The following CEP120 variants were observed in gnomAD, a reference collection of about 807,000 sequenced individuals.
The protein encoded by CEP120 is centrosomal protein of 120 kDa.
A neutral mutation model predicts 126.5 loss-of-function variants in CEP120; 113 were observed. The ratio of observed to expected loss-of-function variants is 0.89; its 90% CI spans 0.77 to 1.04. The LOEUF (loss-of-function observed/expected upper bound fraction) is 1.04. CEP120 is among the 50% of genes least tolerant of loss of function. CEP120 has a pLI of 0.00. For missense variants in CEP120, 1,230 were observed against 1,155.7 expected (o/e 1.06, Z -0.93); for synonymous variants, 400 against 394.3 (o/e 1.01, Z -0.17).
intron 18 of CEP120, among the ~76,000 whole-genome samples, chr5:123,359,968 A>C (rs1376123376): frequency 1.3e-5 from 2 of 151,960 alleles, no homozygotes; most frequent in African/African-American, 4.8e-5. Flanking sequence ...ACAATCTAAG[A>C]TATGGCTTTC....
chr5:123,353,288 TTTG>T (rs1769330199), intron 18 of CEP120, among the ~76,000 whole-genome samples: 1 of 151,962 alleles, frequency 6.6e-6, no homozygotes, highest in Admixed American at 6.6e-5. Context: ...CTAGTCTTAG[TTTG>T]TTAATGAATA....
intron 11 of CEP120, among the ~76,000 whole-genome samples, chr5:123,384,177 T>C (rs914699146): frequency 6.6e-6 from 1 of 152,120 alleles, no homozygotes; most frequent in Non-Finnish European, 1.5e-5. Context: ...AAAAAAATGC[T>C]AATTTTTAAG....
intron 4 of CEP120, among the ~76,000 whole-genome samples, chr5:123,409,141 T>C (rs181183314): frequency 1.0e-3 from 152 of 152,280 alleles, no homozygotes; most frequent in African/African-American, 3.6e-3. Flanking sequence ...TCAATTAATG[T>C]AATCCATCAC....
intron 18 of CEP120, among the ~76,000 whole-genome samples, chr5:123,363,028 A>C (rs920893988): frequency 2.2e-4 from 33 of 151,734 alleles, no homozygotes; most frequent in Admixed American, 1.2e-3. Context: ...TACTGCTACT[A>C]CTTAAGTTCC....
At chr5:123,369,010 G>A (rs1770667945) in intron 17 of CEP120, among the ~76,000 whole-genome samples, 1 of 151,356 alleles carries the variant, frequency 6.6e-6, no homozygotes, top group Non-Finnish European at 1.5e-5. Flanking sequence ...GGGACCCTGA[G>A]TCAAAAAAGT....
At chr5:123,423,761 AAAT>A (rs1401914761), upstream of CEP120, among the ~76,000 whole-genome samples, 1 of 152,196 alleles carries the variant, frequency 6.6e-6, no homozygotes, top group African/African-American at 2.4e-5. Context: ...AATCACAAAA[AAAT>A]AATGACTTAA....
intron 4 of CEP120, among the ~76,000 whole-genome samples, chr5:123,404,638 A>G (rs888117274): frequency 1.3e-5 from 2 of 152,240 alleles, no homozygotes; most frequent in African/African-American, 2.4e-5. Flanking sequence ...CTGAATTATA[A>G]TATCTTCTCA....
chr5:123,423,262 A>G lies in CEP120; in HGVS notation c.-264T>C. On this transcript the variant is annotated 5_prime_UTR_variant, in exon 1 of 20. Coordinates refer to ENST00000306467, the MANE Select transcript of CEP120 (RefSeq NM_001375405.1). The stretch of plus-strand genomic sequence containing the variant: ...GCCCTGCCAGTCTGCAAGCAGAGAC[A>G]AGCCCGCCACCCGAGGACCTTTTGC... 1 of 486,562 alleles carries G rather than the reference A, an allele frequency of 2.1e-6. No individual in the cohort carries two copies. The highest frequency in any genetic ancestry group is 2.8e-5 in the South Asian group (1 of 35,562). The allele number at this position is 486,562 out of a possible 1,614,324, so 30.1% of individuals were successfully genotyped here. A position where few individuals can be genotyped will look rare whatever the true frequency, so the allele number is the denominator to read the frequency against.
At chr5:123,356,287 C>T (rs1415448756) in intron 18 of CEP120, among the ~76,000 whole-genome samples, 1 of 151,926 alleles carries the variant, frequency 6.6e-6, no homozygotes, top group African/African-American at 2.4e-5. Flanking sequence ...TCCATATGAA[C>T]TTTAAAGTAG....
At chr5:123,410,210 T>C (rs1773959613) in intron 4 of CEP120, among the ~76,000 whole-genome samples, 1 of 152,052 alleles carries the variant, frequency 6.6e-6, no homozygotes, top group South Asian at 2.1e-4. Context: ...AAGAACTAAA[T>C]AAATGGAGAT....
chr5:123,364,568 A>G lies in CEP120; in HGVS notation c.2508T>C (p.Ser836=). ...TGTAATGCAGTTTAGACTTAGTTGC[A>G]GATTCCAACTTTCTTTCAAGTTCAA... ...EKVELERKLE[S]ATKSKLHYKQ... Residue 836 remains serine, a synonymous_variant, in exon 18 of 20, where the codon TCT becomes TCC. Transcript: ENST00000306467. 6.2e-7 allele frequency: 1 copy of G among 1,605,670 alleles called. No homozygotes were observed. The highest frequency in any genetic ancestry group is 8.5e-7 in the Non-Finnish European group (1 of 1,174,728).
intron 17 of CEP120, among the ~76,000 whole-genome samples, chr5:123,371,664 T>A (rs528032454): frequency 1.7e-4 from 26 of 152,108 alleles, no homozygotes; most frequent in Admixed American, 1.6e-3. Flanking sequence ...TGATGGGACA[T>A]GGAACCATAA....
chr5:123,389,986 T>G lies in CEP120; in HGVS notation c.1193A>C (p.Asp398Ala). The change falls in exon 8 of 20, where the codon GAT becomes GCT. Residue 398 changes from aspartate to alanine, a missense_variant. Transcript: ENST00000306467. ...ACTTTCCACTTCACTTTCTGTTGCA[T>G]CATCTTTTGTTGGAGGTGACTGGTT... Reference protein sequence around the residue: ...SHNQSPPTKDDATESEVESLQ... With the variant: ...SHNQSPPTKDAATESEVESLQ... 3.1e-6 allele frequency: 5 copies of G among 1,614,188 alleles called. No homozygotes were observed. Among genetic ancestry groups the G allele is most frequent in the Non-Finnish European group, 4.2e-6 (5 of 1,180,028 alleles).
At chr5:123,415,925 T>C in intron 3 of CEP120, 85 bp downstream of exon 3, 1 of 888,108 alleles carries the variant, frequency 1.1e-6, no homozygotes, top group South Asian at 1.5e-5. Context: ...GTCTAGTATT[T>C]CATGTCCTTT....
At chr5:123,403,938 G>C (rs1318321602) in intron 4 of CEP120, among the ~76,000 whole-genome samples, 3 of 152,092 alleles carry the variant, frequency 2.0e-5, no homozygotes, top group Admixed American at 1.3e-4. Flanking sequence ...GAAATTATTG[G>C]GAAAAGACAA....
chr5:123,345,797 A>C lies in CEP120; in HGVS notation c.*722T>G, dbSNP rs1056968413. The C allele has an allele frequency of 6.6e-6, 1 of 152,170 alleles. No individual in the cohort carries two copies. The highest frequency in any genetic ancestry group is 1.5e-5 in the Non-Finnish European group (1 of 68,032). The allele number at this position is 152,170 out of a possible 1,614,324, so 9.4% of individuals were successfully genotyped here. A position where few individuals can be genotyped will look rare whatever the true frequency, so the allele number is the denominator to read the frequency against. ...ATTACTATAACTGGAAAATAAAAAGAAATCTCTAATTTTAACAAAAGAAAA... is the reference window on the plus strand; with the variant it reads ...ATTACTATAACTGGAAAATAAAAAGCAATCTCTAATTTTAACAAAAGAAAA... On this transcript the variant is annotated 3_prime_UTR_variant, in exon 20 of 20. Coordinates refer to ENST00000306467, the MANE Select transcript of CEP120 (RefSeq NM_001375405.1).
intron 16 of CEP120, among the ~76,000 whole-genome samples, chr5:123,374,485 T>C (rs984000954): frequency 1.3e-5 from 2 of 152,152 alleles, no homozygotes; most frequent in Non-Finnish European, 2.9e-5. Context: ...AATGAGTTTT[T>C]TTTTAAATGC....
At chr5:123,403,357 G>A (rs976314829) in intron 4 of CEP120, 1 of 453,676 alleles carries the variant, frequency 2.2e-6, no homozygotes, top group Non-Finnish European at 4.4e-6. Flanking sequence ...GAAAATATTT[G>A]TTGATAAGTT....
chr5:123,411,983 C>A (rs1208300598), intron 4 of CEP120, among the ~76,000 whole-genome samples: 2 of 151,982 alleles, frequency 1.3e-5, no homozygotes, highest in Admixed American at 1.3e-4. Flanking sequence ...TCTCTCTGCT[C>A]AATTTTACTG....
Sources: gnomAD v4.1 joint callset for allele counts (sites outside exome capture counted in the v4.1 genomes callset) on GRCh38, gnomAD v4.1.1 for gene constraint, MANE v1.5 for transcripts, NCBI Gene and HGNC (gene_info 2026-07-23, HGNC 2026-07-21) for gene names.